Variants in HACE1 observed in about 807,000 individuals in gnomAD.
HACE1 encodes E3 ubiquitin-protein ligase HACE1.
HACE1 carries 73 observed loss-of-function variants against 118.4 expected under a neutral mutation model. The ratio of observed to expected loss-of-function variants is 0.62; its 90% CI spans 0.51 to 0.75. HACE1 has a LOEUF of 0.75. Among genes scored for constraint, HACE1 ranks in the 30% least tolerant of loss-of-function variants. The probability of loss-of-function intolerance (pLI) is 0.00; values close to 1 mark genes in which losing one functional copy is unlikely to be tolerated. For missense variants in HACE1, 749 were observed against 1,102.2 expected, an observed-to-expected ratio of 0.68 and a Z score of 4.54; for synonymous variants, 368 against 374.8, an observed-to-expected ratio of 0.98 and a Z score of 0.21.
At chr6:104,791,124 T>C (rs1782977645) in intron 11 of HACE1, among the ~76,000 whole-genome samples, 2 of 152,216 alleles carry the variant, frequency 1.3e-5, no homozygotes, top group African/African-American at 4.8e-5. Flanking sequence ...ACACATATCA[T>C]ATTAAAATCT....
intron 7 of HACE1, among the ~76,000 whole-genome samples, chr6:104,805,623 A>G (rs182959138): frequency 1.4e-3 from 212 of 152,278 alleles, no homozygotes; most frequent in African/African-American, 4.9e-3. Flanking sequence ...TAAACACCGC[A>G]TGTTCTCACT....
intron 19 of HACE1, among the ~76,000 whole-genome samples, chr6:104,762,003 T>C (rs9499960): frequency 0.57 from 86,043 of 152,022 alleles, 25,986 homozygotes; most frequent in African/African-American, 0.8. Flanking sequence ...AATAAGATAC[T>C]GTCTCACACC....
Position 104,729,469 on chromosome 6 carries a change from C to A in HACE1, c.*193G>T. ...AAAATCTACTGTGATTTTATATTTT[C>A]TAATTGTATCACAAACAGAGAAAAC... is the stretch of plus-strand genomic sequence containing the variant. On this transcript the variant is annotated 3_prime_UTR_variant, in exon 24 of 24. Transcript: ENST00000262903. 1.7e-6 allele frequency: 1 copy of A among 589,838 alleles called. No homozygotes were observed. Among genetic ancestry groups the A allele is most frequent in the Non-Finnish European group, 3.0e-6 (1 of 331,692 alleles). The allele number at this position is 589,838 out of a possible 1,614,324, so 36.5% of individuals were successfully genotyped here.
chr6:104,740,563 A>T (rs1221543207), intron 22 of HACE1, among the ~76,000 whole-genome samples: 2 of 152,006 alleles, frequency 1.3e-5, no homozygotes, highest in Admixed American at 6.5e-5. Context: ...AATCTAGAAG[A>T]AATGGATAAA....
At chr6:104,852,216 TGTGTGTGTGTGTGC>T in intron 2 of HACE1, 87 bp downstream of exon 2, 5 of 705,758 alleles carry the variant, frequency 7.1e-6, no homozygotes, top group South Asian at 2.9e-5. Flanking sequence ...TGTGTGTGTG[TGTGTGTGTGTGTGC>T]GCGCGTGCGC....
At chr6:104,733,709 C>T (rs561684791) in intron 22 of HACE1, among the ~76,000 whole-genome samples, 110 of 150,248 alleles carry the variant, frequency 7.3e-4, no homozygotes, top group Admixed American at 1.5e-3. Context: ...ATTAGCCAGG[C>T]GAAGTGATGT....
chr6:104,785,142 T>C lies in HACE1; in HGVS notation c.1252A>G (p.Asn418Asp). 6.2e-7 allele frequency: 1 copy of C among 1,614,038 alleles called. No homozygotes were observed. The highest frequency in any genetic ancestry group is 8.5e-7 in the Non-Finnish European group (1 of 1,179,964). ...GATTCCCTTGTGCCAGTGGACAGAT[T>C]TTCATAGCTCCCAGGTCCTGGAGGT... ...FEPPGPGSYENLSTGTRESKP... is the reference protein window; with the variant it reads ...FEPPGPGSYEDLSTGTRESKP... The change falls in exon 12 of 24, where the codon AAT becomes GAT. Residue 418 changes from asparagine (N) to aspartate (D), a missense_variant. Transcript: ENST00000262903.
chr6:104,807,088 A>T (rs1365146376), intron 7 of HACE1, among the ~76,000 whole-genome samples: 1 of 149,722 alleles, frequency 6.7e-6, no homozygotes, highest in Non-Finnish European at 1.5e-5. Context: ...CAGTGGTGCA[A>T]TCTCGGCTCA....
intron 1 of HACE1, among the ~76,000 whole-genome samples, chr6:104,858,089 TA>T (rs1389201364): frequency 3.3e-5 from 5 of 152,076 alleles, no homozygotes; most frequent in African/African-American, 9.7e-5. Context: ...TGAAATGACA[TA>T]TTTTTTTCTA....
At chr6:104,799,121 G>C (rs55884852) in intron 7 of HACE1, among the ~76,000 whole-genome samples, 1 of 152,172 alleles carries the variant, frequency 6.6e-6, no homozygotes, top group Non-Finnish European at 1.5e-5. Context: ...GGATATACTA[G>C]GTAACAAGCA....
At chr6:104,732,152 TCAA>T (rs1775281352) in intron 22 of HACE1, 1 of 152,136 alleles carries the variant, frequency 6.6e-6, no homozygotes, top group South Asian at 2.1e-4. Context: ...TGCAAGTTCC[TCAA>T]CAAAATTAAC....
intron 6 of HACE1, among the ~76,000 whole-genome samples, chr6:104,814,580 T>A (rs1377031474): frequency 7.2e-6 from 1 of 137,940 alleles, no homozygotes; most frequent in African/African-American, 2.9e-5. Context: ...ATAGAAGATA[T>A]GGAATCTAGA....
chr6:104,843,515 GAC>G (rs1182193536), intron 4 of HACE1, among the ~76,000 whole-genome samples: 35 of 152,254 alleles, frequency 2.3e-4, no homozygotes, highest in Middle Eastern at 3.4e-3. Flanking sequence ...ATAAAACAAT[GAC>G]ACAGTCAGGT....
chr6:104,805,702 C>T (rs943560815), intron 7 of HACE1, among the ~76,000 whole-genome samples: 5 of 151,942 alleles, frequency 3.3e-5, no homozygotes, highest in East Asian at 3.9e-4. Context: ...CAGGGCTTGT[C>T]GGGAAGTCAG....
intron 14 of HACE1, among the ~76,000 whole-genome samples, chr6:104,783,342 T>G (rs768675848): frequency 2.0e-5 from 3 of 152,222 alleles, no homozygotes; most frequent in Non-Finnish European, 4.4e-5. Context: ...ATATGTTTAT[T>G]ATCTCCCCAG....
chr6:104,784,766 TC>T (rs1278366594), intron 12 of HACE1, among the ~76,000 whole-genome samples: 1 of 152,080 alleles, frequency 6.6e-6, no homozygotes, highest in Non-Finnish European at 1.5e-5. Flanking sequence ...AATTAAGAGA[TC>T]CTATACAAGG....
chr6:104,749,348 T>C (rs999154555), intron 20 of HACE1, among the ~76,000 whole-genome samples: 2 of 151,870 alleles, frequency 1.3e-5, no homozygotes, highest in Admixed American at 1.3e-4. Context: ...TTAAAAACAA[T>C]CAAAAAAACC....
intron 17 of HACE1, 31 bp downstream of exon 17, chr6:104,776,710 C>T (rs1483673149): frequency 7.8e-7 from 1 of 1,274,902 alleles, no homozygotes; most frequent in Non-Finnish European, 1.1e-6. Flanking sequence ...TGACAAGTTG[C>T]AGAAAAAGTC....
intron 20 of HACE1, among the ~76,000 whole-genome samples, chr6:104,748,596 G>A (rs1777699265): frequency 6.6e-6 from 1 of 152,056 alleles, no homozygotes; most frequent in South Asian, 2.1e-4. Flanking sequence ...CCTACAGAAT[G>A]CAAACTTATG....
Sources: gnomAD v4.1 joint callset for allele counts (sites outside exome capture counted in the v4.1 genomes callset) on GRCh38, gnomAD v4.1.1 for gene constraint, MANE v1.5 for transcripts, NCBI Gene and HGNC (gene_info 2026-07-23, HGNC 2026-07-21) for gene names.